Variants in STK32B observed in about 807,000 individuals in gnomAD.
The protein encoded by STK32B is serine/threonine-protein kinase 32B.
In STK32B, 43 loss-of-function variants were observed where a neutral mutation model predicts 52.6. The ratio of observed to expected loss-of-function variants is 0.82; its 90% CI spans 0.64 to 1.05. The LOEUF is 1.05. STK32B is among the 50% of genes least tolerant of loss of function. STK32B has a pLI of 0.00. For synonymous variants in STK32B, 238 were observed against 204.3 expected (o/e 1.17, Z -1.41); for missense variants, 621 against 534.6 (o/e 1.16, Z -1.59).
intron 4 of STK32B, among the ~76,000 whole-genome samples, chr4:5,387,716 G>A (rs1736347638): frequency 6.6e-6 from 1 of 152,164 alleles, no homozygotes; most frequent in Non-Finnish European, 1.5e-5. Context: ...CAGAGGAGCT[G>A]GCATGCTTCT....
At chr4:5,100,791 T>TCTTCCTTCCCTTCTCTTTCTTTC (rs373087561) in intron 1 of STK32B, among the ~76,000 whole-genome samples, 2 of 39,618 alleles carry the variant, frequency 5.0e-5, no homozygotes, top group African/African-American at 1.2e-4. Context: ...TTCCTTCCTT[T>TCTTCCTTCCCTTCTCTTTCTTTC]ATTCCTTCCC....
intron 3 of STK32B, among the ~76,000 whole-genome samples, chr4:5,198,045 CTA>C (rs1213629761): frequency 6.6e-6 from 1 of 151,762 alleles, no homozygotes; most frequent in Non-Finnish European, 1.5e-5. Flanking sequence ...TTGAAATGTG[CTA>C]TCTCATGCCA....
chr4:5,438,646 C>T (rs916276766), intron 6 of STK32B, among the ~76,000 whole-genome samples: 5 of 152,118 alleles, frequency 3.3e-5, no homozygotes, highest in African/African-American at 1.2e-4. Context: ...TACATGTGCA[C>T]ATTGTGCAGG....
intron 3 of STK32B, among the ~76,000 whole-genome samples, chr4:5,181,329 GACACACACACACACACAC>G (rs751590603): frequency 7.2e-6 from 1 of 138,020 alleles, no homozygotes; most frequent in Non-Finnish European, 1.6e-5. Context: ...TGGAGAGTGA[GACACACACACACACACAC>G]ACACACACAC....
At chr4:5,049,578 T>G (rs1741683376), upstream of STK32B, among the ~76,000 whole-genome samples, 1 of 152,162 alleles carries the variant, frequency 6.6e-6, no homozygotes, top group Admixed American at 6.5e-5. Flanking sequence ...CGGGAGCTTC[T>G]GAGCCAGGAG....
intron 5 of STK32B, among the ~76,000 whole-genome samples, chr4:5,410,145 C>G (rs536840071): frequency 1.3e-5 from 2 of 152,168 alleles, no homozygotes; most frequent in Non-Finnish European, 2.9e-5. Flanking sequence ...TCAGCGCCCA[C>G]GGCTCCAAAG....
chr4:5,101,721 A>G (rs1440289064), intron 1 of STK32B, among the ~76,000 whole-genome samples: 1 of 152,166 alleles, frequency 6.6e-6, no homozygotes. Flanking sequence ...GGACTGACTA[A>G]CAAGCTGTGT....
At chr4:5,249,481 T>C (rs796995944) in intron 3 of STK32B, among the ~76,000 whole-genome samples, 3,407 of 115,006 alleles carry the variant, frequency 0.03, 120 homozygotes, top group East Asian at 0.11. Context: ...CTTCCTTCCT[T>C]CCTTCCTTCC....
intron 2 of STK32B, among the ~76,000 whole-genome samples, chr4:5,160,256 A>T (rs1240767533): frequency 6.6e-6 from 1 of 152,176 alleles, no homozygotes; most frequent in Admixed American, 6.5e-5. Context: ...AGAGAGATGG[A>T]TGCTGATCAC....
At chr4:5,201,950 T>C (rs573074415) in intron 3 of STK32B, among the ~76,000 whole-genome samples, 20 of 152,326 alleles carry the variant, frequency 1.3e-4, no homozygotes, top group African/African-American at 4.8e-4. Context: ...CCAAATCTTA[T>C]GTTTTTCTCA....
intron 2 of STK32B, chr4:5,140,309 A>G (rs1716340468): frequency 1.5e-6 from 2 of 1,309,668 alleles, no homozygotes; most frequent in Admixed American, 2.3e-5. Context: ...TTGTTTTGGT[A>G]AGTTCATATT....
intron 4 of STK32B, among the ~76,000 whole-genome samples, chr4:5,349,835 T>C (rs534579068): frequency 6.6e-5 from 10 of 152,092 alleles, no homozygotes; most frequent in Non-Finnish European, 1.5e-4. Context: ...ATTCATTTAA[T>C]AAAATACAAA....
chr4:5,442,684 A>G (rs1350035102), intron 6 of STK32B, among the ~76,000 whole-genome samples: 1 of 152,042 alleles, frequency 6.6e-6, no homozygotes, highest in African/African-American at 2.4e-5. Flanking sequence ...TAGTTGATGC[A>G]GTTTCTTCCT....
chr4:5,149,303 C>T (rs1717160133), intron 2 of STK32B, among the ~76,000 whole-genome samples: 1 of 151,830 alleles, frequency 6.6e-6, no homozygotes, highest in East Asian at 1.9e-4. Context: ...ACAATTCTGC[C>T]TTTTAGTTGT....
rs185833705 is a variant in STK32B, at chr4:5,460,468, G to A, written c.909+240G>A. On this transcript the variant is annotated intron_variant, in intron 9 of 11. Coordinates refer to ENST00000282908, the MANE Select transcript of STK32B (RefSeq NM_018401.3). This position sits in a 1 kb window ranked among gnomAD's most constrained non-coding sequence, Gnocchi z 4.8. The stretch of plus-strand genomic sequence containing the variant: ...GGTGCCAAGCCTTCTCTCTGTCACT[G>A]AATCCCACCTCCAGGTGCTCAGGTC... Among the ~76,000 whole-genome samples the A allele has an allele frequency of 9.2e-5, 14 of 152,318 alleles. No individual in the cohort carries two copies. In the East Asian group the frequency reaches 2.7e-3, roughly 29 times the overall value.
chr4:5,133,252 C>T (rs754214912), intron 1 of STK32B, among the ~76,000 whole-genome samples: 61 of 152,356 alleles, frequency 4.0e-4, no homozygotes, highest in Non-Finnish European at 6.6e-4. Context: ...GTCATCATTT[C>T]AACAAGTGTA....
Position 5,311,914 on chromosome 4 carries a change from AT to A in STK32B, c.261-19297del, listed in dbSNP as rs1553869016. ...GAAGTGCATACTTTTATATATATAT[AT>A]TTTTTTTTAAAGTTTATTCTTATTT... is the stretch of plus-strand genomic sequence containing the variant. On this transcript the variant is annotated intron_variant, in intron 3 of 11. Coordinates refer to ENST00000282908, the MANE Select transcript of STK32B (RefSeq NM_018401.3). Among the ~76,000 whole-genome samples the A allele has an allele frequency of 2.7e-3, 399 of 145,468 alleles. 3 individuals carry two copies. Among genetic ancestry groups the A allele is most frequent in the Non-Finnish European group, 3.2e-3 (211 of 66,426 alleles).
At chr4:5,051,043 C>G (rs1477201496), upstream of STK32B, among the ~76,000 whole-genome samples, 1 of 152,152 alleles carries the variant, frequency 6.6e-6, no homozygotes, top group Admixed American at 6.5e-5. Context: ...TCATTAAACA[C>G]TGAGAAAAAC....
At chr4:5,271,333 AC>A (rs879858282) in intron 3 of STK32B, among the ~76,000 whole-genome samples, 3 of 152,334 alleles carry the variant, frequency 2.0e-5, no homozygotes, top group Non-Finnish European at 4.4e-5. Flanking sequence ...ACTGAATACC[AC>A]AAAACATTAC....
Sources: gnomAD v4.1 joint callset for allele counts (sites outside exome capture counted in the v4.1 genomes callset) on GRCh38, gnomAD v4.1.1 for gene constraint, Gnocchi (gnomAD v3.1) non-coding constraint, MANE v1.5 for transcripts, NCBI Gene and HGNC (gene_info 2026-07-23, HGNC 2026-07-21) for gene names.